The following CASK variants were observed in gnomAD, a reference collection of about 807,000 sequenced individuals.
CASK encodes calcium/calmodulin dependent serine protein kinase.
In CASK, 4 loss-of-function variants were observed where a neutral mutation model predicts 82.9. That is an observed-to-expected ratio of 0.05 (90% CI 0.02 to 0.11). CASK has a LOEUF of 0.11. Among genes scored for constraint, CASK ranks in the 10% least tolerant of loss-of-function variants. The pLI is 1.00. For synonymous variants in CASK, 259 were observed against 253.5 expected, an observed-to-expected ratio of 1.02 and a Z score of -0.20; for missense variants, 358 against 720.9, an observed-to-expected ratio of 0.50 and a Z score of 5.76.
intron 25 of CASK, among the ~76,000 whole-genome samples, chrX:41,526,448 C>T (rs1457291611): frequency 8.9e-6 from 1 of 112,186 alleles, no homozygotes; most frequent in Non-Finnish European, 1.9e-5. Context: ...CTGCCAGCTA[C>T]CCAGTCCTTA....
Position 41,520,290 on chromosome X carries a change from T to C in CASK, c.*130A>G. 2.2e-6 allele frequency: 1 copy of C among 455,874 alleles called. No individual in the cohort carries two copies. 37.6% of individuals were successfully genotyped at this position (455,874 alleles called of 1,213,427 possible). ...CCTATCTATTCGGACATGACAATAA[T>C]TATAAATGTAGGTCACACTACAACT... On this transcript the variant is annotated 3_prime_UTR_variant, in exon 27 of 27. Transcript: ENST00000378163.
At chrX:41,667,649 TC>T (rs778556502) in intron 6 of CASK, among the ~76,000 whole-genome samples, 1 of 111,508 alleles carries the variant, frequency 9.0e-6, no homozygotes, top group East Asian at 2.8e-4. Context: ...AGTCTCAAAC[TC>T]CTGGGCTCAA....
intron 3 of CASK, among the ~76,000 whole-genome samples, chrX:41,755,974 T>C (rs988525961): frequency 2.7e-5 from 3 of 112,254 alleles, no homozygotes; most frequent in Non-Finnish European, 5.6e-5. Flanking sequence ...AGTTGAAGCA[T>C]AGATTCAACA....
At chrX:41,718,434 G>A (rs112714730) in intron 5 of CASK, among the ~76,000 whole-genome samples, 440 of 112,416 alleles carry the variant, frequency 3.9e-3, no homozygotes, top group African/African-American at 0.013. Flanking sequence ...TCTGAAGGTA[G>A]GAAGAAGTCT....
intron 1 of CASK, among the ~76,000 whole-genome samples, chrX:41,883,635 C>T (rs1426600378): frequency 2.7e-5 from 3 of 111,324 alleles, no homozygotes; most frequent in Non-Finnish European, 5.7e-5. Flanking sequence ...CATTTTTTGA[C>T]GAAACGATAT....
intron 5 of CASK, chrX:41,696,518 T>C: frequency 1.7e-6 from 2 of 1,209,077 alleles, no homozygotes; most frequent in Middle Eastern, 2.3e-4. Context: ...CACAGCTAAA[T>C]GTATCATCTT....
intron 2 of CASK, among the ~76,000 whole-genome samples, chrX:41,839,151 A>G (rs2070985716): frequency 9.0e-6 from 1 of 111,718 alleles, no homozygotes; most frequent in African/African-American, 3.3e-5. Flanking sequence ...CTTTCCAGAA[A>G]TATTTTAGGA....
intron 5 of CASK, among the ~76,000 whole-genome samples, chrX:41,735,538 T>C (rs1458452562): frequency 9.0e-6 from 1 of 110,818 alleles, no homozygotes; most frequent in African/African-American, 3.3e-5. Flanking sequence ...ATTGGCATAA[T>C]CTCCAAAATA....
chrX:41,752,777 A>G (rs2068820862), intron 3 of CASK, among the ~76,000 whole-genome samples: 1 of 112,153 alleles, frequency 8.9e-6, no homozygotes, highest in Non-Finnish European at 1.9e-5. Flanking sequence ...TACATACACA[A>G]CTTGGCACTG....
intron 8 of CASK, among the ~76,000 whole-genome samples, chrX:41,644,490 C>T (rs2066720152): frequency 9.0e-6 from 1 of 111,358 alleles, no homozygotes; most frequent in African/African-American, 3.3e-5. Flanking sequence ...TGTATGTCAC[C>T]TTAGGACCTT....
intron 2 of CASK, among the ~76,000 whole-genome samples, chrX:41,840,928 T>G (rs2071024135): frequency 8.9e-6 from 1 of 112,497 alleles, no homozygotes; most frequent in African/African-American, 3.2e-5. Flanking sequence ...ATATTCGTTT[T>G]GTTTACCCAT....
chrX:41,895,080 G>C (rs913992118), intron 1 of CASK, among the ~76,000 whole-genome samples: 32 of 111,285 alleles, frequency 2.9e-4, no homozygotes, highest in African/African-American at 9.2e-4. Flanking sequence ...GTATCTAGAA[G>C]GCACAAAACT....
At chrX:41,638,494 C>A (rs1324613034) in intron 8 of CASK, among the ~76,000 whole-genome samples, 1 of 111,330 alleles carries the variant, frequency 9.0e-6, no homozygotes, top group African/African-American at 3.3e-5. Flanking sequence ...TGCAGTGAGC[C>A]ATGACTGCAA....
intron 4 of CASK, chrX:41,743,870 G>A (rs1318018860): frequency 3.0e-5 from 8 of 268,336 alleles, no homozygotes; most frequent in Non-Finnish European, 5.2e-5. Flanking sequence ...CACTTTGGGA[G>A]GTTGAGGCGT....
intron 22 of CASK, among the ~76,000 whole-genome samples, chrX:41,535,540 T>C (rs371116898): frequency 5.9e-4 from 65 of 109,971 alleles, no homozygotes; most frequent in African/African-American, 2.1e-3. Flanking sequence ...TCTGTAACTA[T>C]TGCACAAGCT....
chrX:41,647,921 T>C (rs903551460), intron 8 of CASK, among the ~76,000 whole-genome samples: 1 of 111,650 alleles, frequency 9.0e-6, no homozygotes, highest in Non-Finnish European at 1.9e-5. Flanking sequence ...ACTGCACAAA[T>C]TGTACAGCAT....
intron 3 of CASK, among the ~76,000 whole-genome samples, chrX:41,777,212 C>T (rs2069380553): frequency 9.0e-6 from 1 of 111,614 alleles, no homozygotes; most frequent in African/African-American, 3.3e-5. Flanking sequence ...AGATTTTAGG[C>T]CAGGCGTGGT....
At chrX:41,639,549 A>C (rs6651765) in intron 8 of CASK, among the ~76,000 whole-genome samples, 2,291 of 110,530 alleles carry the variant, frequency 0.021, 54 homozygotes, top group African/African-American at 0.071. Context: ...TGAAAGAGAG[A>C]TAGACTCTGA....
chrX:41,627,638 A>G (rs1194750830), intron 9 of CASK, among the ~76,000 whole-genome samples: 3 of 112,024 alleles, frequency 2.7e-5, no homozygotes, highest in Non-Finnish European at 3.8e-5. Flanking sequence ...GTTCCCACTT[A>G]TAAGGGAGAA....
Sources: allele counts gnomAD v4.1 joint callset (sites outside exome capture counted in the v4.1 genomes callset), GRCh38; gene constraint gnomAD v4.1.1; transcripts MANE v1.5; gene names NCBI Gene and HGNC (gene_info 2026-07-23, HGNC 2026-07-21).